Variants in SLC35A1 observed in about 807,000 individuals in gnomAD.
SLC35A1 encodes CMP-sialic acid transporter.
In SLC35A1, 21 loss-of-function variants were observed where a neutral mutation model predicts 40.3. The ratio of observed to expected loss-of-function variants is 0.52; its 90% CI spans 0.37 to 0.75. SLC35A1 has a LOEUF of 0.75. Among genes scored for constraint, SLC35A1 ranks in the 30% least tolerant of loss-of-function variants. SLC35A1 has a pLI of 0.00. For synonymous variants in SLC35A1, 146 were observed against 147.3 expected (o/e 0.99, Z 0.06); for missense variants, 297 against 382.1 (o/e 0.78, Z 1.86).
chr6:87,500,726 A>G, intron 3 of SLC35A1, 59 bp downstream of exon 3: 2 of 1,519,046 alleles, frequency 1.3e-6, no homozygotes, highest in Non-Finnish European at 1.8e-6. Flanking sequence ...AAGAGTTTTT[A>G]TTAACTCTTT....
intron 2 of SLC35A1, chr6:87,487,921 G>A (rs1380124369): frequency 6.6e-6 from 1 of 152,128 alleles, no homozygotes; most frequent in Non-Finnish European, 1.5e-5. Flanking sequence ...AATGAGTGGA[G>A]AATTCACACG....
chr6:87,507,786 A>G (rs115315741), intron 5 of SLC35A1, among the ~76,000 whole-genome samples: 2,367 of 126,060 alleles, frequency 0.019, 58 homozygotes, highest in African/African-American at 0.056. Context: ...GAAGTATCTG[A>G]AAAAATCTAT....
At chr6:87,505,053 A>G (rs1770036163) in intron 4 of SLC35A1, among the ~76,000 whole-genome samples, 1 of 152,180 alleles carries the variant, frequency 6.6e-6, no homozygotes. Flanking sequence ...AGAGCCTGAC[A>G]GTTTTTATTT....
chr6:87,492,769 T>G (rs1769592367), intron 2 of SLC35A1, among the ~76,000 whole-genome samples: 1 of 152,124 alleles, frequency 6.6e-6, no homozygotes, highest in East Asian at 1.9e-4. Flanking sequence ...AGGCTTGTCT[T>G]GAACTCCTGA....
rs1317850678 is a variant in SLC35A1, at chr6:87,512,234, A to G, written c.*708A>G. Reference sequence around the variant, plus strand: ...CTAATGTCACTTTTGTACTTTTTTAAATAAAGTATGTTTAACTGTTGGGCT... The same window carrying G: ...CTAATGTCACTTTTGTACTTTTTTAGATAAAGTATGTTTAACTGTTGGGCT... On this transcript the variant is annotated 3_prime_UTR_variant, in exon 8 of 8. Transcript: ENST00000369552. 6.5e-6 allele frequency: 1 copy of G among 152,726 alleles called. No individual in the cohort carries two copies. The highest frequency in any genetic ancestry group is 1.5e-5 in the Non-Finnish European group (1 of 68,132). 9.5% of individuals were successfully genotyped at this position (152,726 alleles called of 1,614,324 possible). A position where few individuals can be genotyped will look rare whatever the true frequency, so the allele number is the denominator to read the frequency against.
chr6:87,508,293 T>C, intron 5 of SLC35A1, 127 bp from the exon 6 acceptor site: 1 of 655,656 alleles, frequency 1.5e-6, no homozygotes, highest in Non-Finnish European at 2.6e-6. Flanking sequence ...AATGCACATT[T>C]AAGTAAAGTA....
At chr6:87,495,156 C>A (rs139245485) in intron 2 of SLC35A1, among the ~76,000 whole-genome samples, 9 of 152,184 alleles carry the variant, frequency 5.9e-5, no homozygotes, top group African/African-American at 2.2e-4. Flanking sequence ...CATGGGGTTT[C>A]GCCATGTTGT....
chr6:87,507,441 A>G (rs976533754), intron 5 of SLC35A1, among the ~76,000 whole-genome samples: 2 of 152,174 alleles, frequency 1.3e-5, no homozygotes, highest in Non-Finnish European at 2.9e-5. Flanking sequence ...TTATTAGTTC[A>G]CTCTCTTAAT....
intron 4 of SLC35A1, among the ~76,000 whole-genome samples, chr6:87,502,650 A>G (rs1248261161): frequency 6.6e-6 from 1 of 152,216 alleles, no homozygotes; most frequent in Non-Finnish European, 1.5e-5. Flanking sequence ...CCGCTGTTTT[A>G]TATGTGGTTC....
At chr6:87,477,255 AT>A in intron 1 of SLC35A1, 106 bp from the exon 2 acceptor site, 1 of 1,094,116 alleles carries the variant, frequency 9.1e-7, no homozygotes, top group Non-Finnish European at 1.3e-6. Context: ...TTTAGAAAAT[AT>A]TTTGTGCTTG....
intron 2 of SLC35A1, among the ~76,000 whole-genome samples, chr6:87,495,718 C>T (rs1279018465): frequency 2.7e-5 from 4 of 150,832 alleles, no homozygotes; most frequent in South Asian, 4.2e-4. Flanking sequence ...TGCAGTGGTG[C>T]GATCTTGGCT....
At chr6:87,502,491 T>G (rs1294744633) in intron 4 of SLC35A1, among the ~76,000 whole-genome samples, 1 of 152,220 alleles carries the variant, frequency 6.6e-6, no homozygotes, top group Non-Finnish European at 1.5e-5. Flanking sequence ...ACTACACATC[T>G]AGGCTGTACA....
intron 5 of SLC35A1, 127 bp downstream of exon 5, chr6:87,506,575 T>C: frequency 5.0e-6 from 4 of 807,812 alleles, no homozygotes; most frequent in South Asian, 1.4e-5. Context: ...CTTGCTTATA[T>C]TTAGTTTTAT....
In SLC35A1 at chr6:87,511,850, A is replaced by C; in HGVS notation, c.*324A>C. 1 of 357,174 alleles carries C rather than the reference A, an allele frequency of 2.8e-6. No individual in the cohort carries two copies. The highest frequency in any genetic ancestry group is 5.4e-6 in the Non-Finnish European group (1 of 185,592). The allele number at this position is 357,174 out of a possible 1,614,324, so 22.1% of individuals were successfully genotyped here. A position where few individuals can be genotyped will look rare whatever the true frequency, so the allele number is the denominator to read the frequency against. Reference sequence around the variant, plus strand: ...GGTAAGGCTACAATACTCAAGTAACAAGGTTTGGGACAATGTCTAAGGGTT... The same window carrying C: ...GGTAAGGCTACAATACTCAAGTAACCAGGTTTGGGACAATGTCTAAGGGTT... On this transcript the variant is annotated 3_prime_UTR_variant, in exon 8 of 8. Coordinates refer to ENST00000369552, the MANE Select transcript of SLC35A1 (RefSeq NM_006416.5).
At position 87,512,128 on chromosome 6, in the gene SLC35A1, T is replaced by C. The variant is rs1334517646; in HGVS notation, c.*602T>C. Reference sequence around the variant, plus strand: ...TGAGTACCCCTTTAGTGAGTACCCCTTTAGTGCTATATTTGTGCCATTCAT... The same window carrying C: ...TGAGTACCCCTTTAGTGAGTACCCCCTTAGTGCTATATTTGTGCCATTCAT... On this transcript the variant is annotated 3_prime_UTR_variant, in exon 8 of 8. Transcript: ENST00000369552. 1.3e-5 allele frequency: 2 copies of C among 155,712 alleles called. No homozygotes were observed. Among genetic ancestry groups the C allele is most frequent in the South Asian group, 2.0e-4 (1 of 5,116 alleles). The allele number at this position is 155,712 out of a possible 1,614,324, so 9.6% of individuals were successfully genotyped here. A position where few individuals can be genotyped will look rare whatever the true frequency, so the allele number is the denominator to read the frequency against.
intron 2 of SLC35A1, among the ~76,000 whole-genome samples, chr6:87,486,255 A>C (rs906700878): frequency 1.3e-5 from 2 of 152,180 alleles, no homozygotes; most frequent in Admixed American, 6.5e-5. Flanking sequence ...AACTTATCGA[A>C]GTAGCACCTG....
intron 2 of SLC35A1, among the ~76,000 whole-genome samples, chr6:87,483,075 G>A (rs901014309): frequency 6.6e-6 from 1 of 152,026 alleles, no homozygotes; most frequent in Non-Finnish European, 1.5e-5. Flanking sequence ...ATAGAGTCAC[G>A]GAGAAGACCT....
chr6:87,482,688 A>G (rs1769278457), intron 2 of SLC35A1, among the ~76,000 whole-genome samples: 1 of 152,162 alleles, frequency 6.6e-6, no homozygotes, highest in Non-Finnish European at 1.5e-5. Flanking sequence ...GGACCTTTAT[A>G]TGGTAATTAA....
intron 2 of SLC35A1, among the ~76,000 whole-genome samples, chr6:87,495,589 A>G (rs1769701998): frequency 6.6e-6 from 1 of 151,804 alleles, no homozygotes; most frequent in Admixed American, 6.6e-5. Context: ...TGTCCCTCAT[A>G]TGAAGGGTAT....
Sources: allele counts gnomAD v4.1 joint callset (sites outside exome capture counted in the v4.1 genomes callset), GRCh38; gene constraint gnomAD v4.1.1; transcripts MANE v1.5; gene names NCBI Gene and HGNC (gene_info 2026-07-23, HGNC 2026-07-21).